RBFOX1: variants seen among roughly 807,000 people sequenced by gnomAD.
RBFOX1 encodes the protein RNA binding protein fox-1 homolog 1.
A neutral mutation model predicts 57.7 loss-of-function variants in RBFOX1; 8 were observed. That is an observed-to-expected ratio of 0.14 (90% CI 0.08 to 0.25). The LOEUF (loss-of-function observed/expected upper bound fraction) is 0.25, where lower values mean the gene tolerates loss of function less well. Among genes scored for constraint, RBFOX1 ranks in the 10% least tolerant of loss-of-function variants. RBFOX1 has a pLI of 1.00. For missense variants in RBFOX1, 611 were observed against 548.5 expected, an observed-to-expected ratio of 1.11 and a Z score of -1.14; for synonymous variants, 326 against 222.4, an observed-to-expected ratio of 1.47 and a Z score of -4.15.
intron 4 of RBFOX1, among the ~76,000 whole-genome samples, chr16:7,324,184 A>G (rs1238180391): frequency 3.3e-5 from 5 of 152,292 alleles, no homozygotes; most frequent in South Asian, 4.1e-4. Flanking sequence ...TGAGCCTTCT[A>G]TCCATGCAAA....
chr16:5,566,000 T>G (rs1159216639), intron 2 of RBFOX1, among the ~76,000 whole-genome samples: 4 of 152,208 alleles, frequency 2.6e-5, no homozygotes, highest in African/African-American at 9.7e-5. Context: ...TGAGATCTGA[T>G]GATTTTATAA....
At chr16:7,471,689 C>T (rs1430232338) in intron 4 of RBFOX1, among the ~76,000 whole-genome samples, 4 of 152,130 alleles carry the variant, frequency 2.6e-5, no homozygotes, top group East Asian at 1.9e-4. Context: ...TGAACTCAAG[C>T]GTGATTTGAA....
intron 4 of RBFOX1, among the ~76,000 whole-genome samples, chr16:5,936,148 G>A (rs2059163737): frequency 6.6e-6 from 1 of 152,070 alleles, no homozygotes; most frequent in Non-Finnish European, 1.5e-5. Flanking sequence ...TTTTGAGACA[G>A]AGTTTCACTC....
chr16:6,474,437 A>G (rs2095241309), intron 2 of RBFOX1, among the ~76,000 whole-genome samples: 1 of 152,212 alleles, frequency 6.6e-6, no homozygotes, highest in Admixed American at 6.5e-5. Flanking sequence ...TCACTTTGCA[A>G]TTGTGCAGAA....
chr16:6,218,764 C>T (rs1170111597), intron 1 of RBFOX1, among the ~76,000 whole-genome samples: 1 of 152,038 alleles, frequency 6.6e-6, no homozygotes, highest in African/African-American at 2.4e-5. Flanking sequence ...TTCCCGGTCT[C>T]CTTCTTCAGA....
At chr16:7,567,397 A>G (rs1158422625) in intron 5 of RBFOX1, among the ~76,000 whole-genome samples, 2 of 102,744 alleles carry the variant, frequency 1.9e-5, no homozygotes, top group African/African-American at 7.2e-5. Flanking sequence ...GGCCCTATAT[A>G]TATATATCCC....
At chr16:6,907,312 C>A (rs1202134949) in intron 3 of RBFOX1, among the ~76,000 whole-genome samples, 1 of 152,114 alleles carries the variant, frequency 6.6e-6, no homozygotes, top group African/African-American at 2.4e-5. Context: ...CTTCAGTATT[C>A]CCAGTGCCCA....
intron 3 of RBFOX1, among the ~76,000 whole-genome samples, chr16:6,660,347 A>G (rs1040789707): frequency 6.6e-6 from 1 of 152,154 alleles, no homozygotes. Context: ...ATGACACACG[A>G]TTACTTATAT....
intron 3 of RBFOX1, among the ~76,000 whole-genome samples, chr16:5,733,482 G>A (rs1014533914): frequency 3.3e-5 from 5 of 152,196 alleles, no homozygotes; most frequent in Non-Finnish European, 1.5e-5. Context: ...AGTGCTGTCA[G>A]TGGAGTAGCT....
At chr16:6,793,269 G>A (rs2154250208) in intron 3 of RBFOX1, among the ~76,000 whole-genome samples, 1 of 152,224 alleles carries the variant, frequency 6.6e-6, no homozygotes, top group South Asian at 2.1e-4. Flanking sequence ...GAGAAATGTG[G>A]TCCCCCTGTT....
intron 1 of RBFOX1, among the ~76,000 whole-genome samples, chr16:5,332,348 A>AC (rs1178082422): frequency 6.6e-6 from 1 of 151,878 alleles, no homozygotes; most frequent in African/African-American, 2.4e-5. Context: ...ACTCATTGCA[A>AC]CCTCTGCTTC....
chr16:6,846,004 G>C (rs1028329120), intron 3 of RBFOX1, among the ~76,000 whole-genome samples: 7 of 152,188 alleles, frequency 4.6e-5, no homozygotes, highest in African/African-American at 1.7e-4. Context: ...TCTGTAAAAT[G>C]AACCTGTGCA....
intron 4 of RBFOX1, among the ~76,000 whole-genome samples, chr16:7,329,399 C>G (rs1217043018): frequency 2.0e-5 from 3 of 152,172 alleles, no homozygotes; most frequent in Non-Finnish European, 4.4e-5. Context: ...TTGCCATGAA[C>G]CATGTGCACT....
intron 3 of RBFOX1, among the ~76,000 whole-genome samples, chr16:5,805,042 G>C (rs1354591597): frequency 6.6e-6 from 1 of 152,200 alleles, no homozygotes; most frequent in East Asian, 1.9e-4. Flanking sequence ...GAAAAATACA[G>C]TTTGGGGAGC....
intron 4 of RBFOX1, among the ~76,000 whole-genome samples, chr16:5,986,621 C>A (rs999968001): frequency 6.6e-5 from 10 of 152,190 alleles, no homozygotes; most frequent in African/African-American, 2.2e-4. Context: ...ATGTTATATA[C>A]ATAGAATCAC....
chr16:6,039,614 C>T (rs1414113414), intron 1 of RBFOX1, among the ~76,000 whole-genome samples: 1 of 152,152 alleles, frequency 6.6e-6, no homozygotes, highest in Non-Finnish European at 1.5e-5. Flanking sequence ...GATTCCTAGG[C>T]CCCAGTTTGA....
intron 2 of RBFOX1, among the ~76,000 whole-genome samples, chr16:6,534,593 G>A (rs892279445): frequency 1.3e-5 from 2 of 152,110 alleles, no homozygotes; most frequent in Non-Finnish European, 2.9e-5. Flanking sequence ...AGTAAATATT[G>A]ATACCCGGGT....
At chr16:6,886,317 C>T (rs1326014326) in intron 3 of RBFOX1, among the ~76,000 whole-genome samples, 3 of 152,034 alleles carry the variant, frequency 2.0e-5, no homozygotes, top group Non-Finnish European at 2.9e-5. Flanking sequence ...CCACCTCGAC[C>T]TCCCAAAGTG....
chr16:7,511,355 G>A (rs2075028974), intron 4 of RBFOX1, among the ~76,000 whole-genome samples: 1 of 152,078 alleles, frequency 6.6e-6, no homozygotes, highest in Admixed American at 6.5e-5. Context: ...CAATGTCTTG[G>A]GGAAAAAACA....
Sources: allele counts gnomAD v4.1 joint callset (sites outside exome capture counted in the v4.1 genomes callset), GRCh38; gene constraint gnomAD v4.1.1; transcripts MANE v1.5; gene names NCBI Gene and HGNC (gene_info 2026-07-23, HGNC 2026-07-21).